RAB27A: variants seen among roughly 807,000 people sequenced by gnomAD.
RAB27A encodes the protein ras-related protein Rab-27A.
In RAB27A, 17 loss-of-function variants were observed where a neutral mutation model predicts 20.8. The observed-to-expected ratio is 0.82, with a 90% CI of 0.56 to 1.23. The LOEUF (loss-of-function observed/expected upper bound fraction) is 1.23. Among genes scored for constraint, RAB27A ranks in the 50% most tolerant of loss-of-function variants. RAB27A has a pLI of 0.00. For missense variants in RAB27A, 277 were observed against 266.7 expected (o/e 1.04, Z -0.27); for synonymous variants, 85 against 92.8 (o/e 0.92, Z 0.48).
chr15:55,233,826 C>A (rs547594560), intron 3 of RAB27A, among the ~76,000 whole-genome samples: 2 of 152,236 alleles, frequency 1.3e-5, no homozygotes, highest in East Asian at 3.9e-4. Flanking sequence ...CTCAACAAAT[C>A]TATTTTTTAA....
intron 2 of RAB27A, among the ~76,000 whole-genome samples, chr15:55,244,138 TAAAAATAC>T (rs547242305): frequency 5.9e-5 from 9 of 152,078 alleles, no homozygotes; most frequent in Admixed American, 1.3e-4. Flanking sequence ...CCATCTCTGC[TAAAAATAC>T]AAAAATACAA....
intron 2 of RAB27A, among the ~76,000 whole-genome samples, chr15:55,267,563 CAAAT>C (rs1897545470): frequency 6.6e-6 from 1 of 152,176 alleles, no homozygotes; most frequent in African/African-American, 2.4e-5. Flanking sequence ...ATAGACAGCG[CAAAT>C]AAATAATGGT....
chr15:55,245,072 C>T (rs1475187249), intron 2 of RAB27A, among the ~76,000 whole-genome samples: 1 of 152,088 alleles, frequency 6.6e-6, no homozygotes, highest in Non-Finnish European at 1.5e-5. Context: ...TTATAATGTA[C>T]CAAGATATAT....
At chr15:55,274,648 G>A (rs1897799068) in intron 1 of RAB27A, among the ~76,000 whole-genome samples, 1 of 151,034 alleles carries the variant, frequency 6.6e-6, no homozygotes, top group African/African-American at 2.4e-5. Flanking sequence ...CGTGGTGGCA[G>A]GTGCCTGTAA....
chr15:55,202,968 TGACA>T lies in RAB27A; in HGVS notation c.*2535_*2538del, dbSNP rs1364043766. ...ATACAGTTACGTTCACACACAAATTTGACAGACTAGACCACTTTTTTATTACAGC... is the reference window on the plus strand; with the variant it reads ...ATACAGTTACGTTCACACACAAATTTGACTAGACCACTTTTTTATTACAGC... On this transcript the variant is annotated 3_prime_UTR_variant, in exon 7 of 7. Coordinates refer to ENST00000336787, the MANE Select transcript of RAB27A (RefSeq NM_183235.3). The T allele has an allele frequency of 6.6e-6, 1 of 152,242 alleles. No homozygotes were observed. The highest frequency in any genetic ancestry group is 1.9e-4 in the East Asian group (1 of 5,202). The allele number at this position is 152,242 out of a possible 1,614,324, so 9.4% of individuals were successfully genotyped here.
At chr15:55,216,688 T>C (rs1470974156) in intron 6 of RAB27A, among the ~76,000 whole-genome samples, 1 of 152,190 alleles carries the variant, frequency 6.6e-6, no homozygotes. Flanking sequence ...ATTGGTTTAA[T>C]CCACAATGTA....
chr15:55,311,091 T>C (rs974229698), intron 2 of RAB27A, among the ~76,000 whole-genome samples: 9 of 152,174 alleles, frequency 5.9e-5, no homozygotes, highest in Non-Finnish European at 1.2e-4. Context: ...GTGGGGAATT[T>C]TTCTCTTTCC....
In RAB27A at chr15:55,296,485, T is replaced by C. The variant is rs573431707; in HGVS notation, c.-112+17554A>G. The stretch of plus-strand genomic sequence containing the variant: ...TGCCACTGCACTCCAGCTTGGGCAA[T>C]AGAGCAAGACTCCATCTCAAAAACA... On this transcript the variant is annotated intron_variant, in intron 2 of 5. Coordinates refer to the RAB27A transcript ENST00000563262. Among the ~76,000 whole-genome samples, 195 of 151,504 alleles carry C rather than the reference T, an allele frequency of 1.3e-3. 1 individual carries two copies. The highest frequency in any genetic ancestry group is 1.5e-3 in the Non-Finnish European group (102 of 67,864).
intron 2 of RAB27A, among the ~76,000 whole-genome samples, chr15:55,258,860 C>T (rs1897176612): frequency 6.6e-6 from 1 of 152,152 alleles, no homozygotes. Flanking sequence ...AGTCTCGCTC[C>T]GTTGCCCAGG....
intron 2 of RAB27A, among the ~76,000 whole-genome samples, chr15:55,299,220 T>C (rs891302073): frequency 1.3e-5 from 2 of 152,206 alleles, no homozygotes; most frequent in Non-Finnish European, 2.9e-5. Flanking sequence ...TTTGGGGAAC[T>C]AATAAATGTC....
intron 2 of RAB27A, among the ~76,000 whole-genome samples, chr15:55,301,480 T>C (rs2054971620): frequency 1.3e-5 from 2 of 151,520 alleles, no homozygotes; most frequent in Non-Finnish European, 3.0e-5. Context: ...AGTGTACAAT[T>C]CAGTGGTTTG....
chr15:55,291,816 G>C (rs1037229489), upstream of RAB27A, among the ~76,000 whole-genome samples: 2 of 152,110 alleles, frequency 1.3e-5, no homozygotes, highest in Non-Finnish European at 2.9e-5. Context: ...AGTAAACAAG[G>C]TAAACTGGTC....
chr15:55,318,756 CA>C (rs1031849843), intron 1 of RAB27A: 7 of 150,292 alleles, frequency 4.7e-5, no homozygotes, highest in South Asian at 2.1e-4. Context: ...GCAACAACAA[CA>C]AAAAAAATAG....
intron 2 of RAB27A, among the ~76,000 whole-genome samples, chr15:55,305,666 CATA>C (rs2054993607): frequency 6.6e-6 from 1 of 152,154 alleles, no homozygotes; most frequent in African/African-American, 2.4e-5. Flanking sequence ...GATTGATTAA[CATA>C]ATAACAGCAT....
At chr15:55,244,368 G>A (rs1009110204) in intron 2 of RAB27A, among the ~76,000 whole-genome samples, 4 of 151,954 alleles carry the variant, frequency 2.6e-5, no homozygotes, top group Admixed American at 2.6e-4. Flanking sequence ...AAGCTCAGTA[G>A]AGAAGAAAGA....
At position 55,205,819 on chromosome 15, in the gene RAB27A, C is replaced by T. The variant is rs1002169473; in HGVS notation, c.468-114G>A. ...GAATACAAATATACAAGATGACAAA[C>T]ATTTTACCACCCCAGAGTACATTAA... On this transcript the variant is annotated intron_variant, in intron 6 of 6. Coordinates refer to ENST00000336787, the MANE Select transcript of RAB27A (RefSeq NM_183235.3). 1.0e-5 allele frequency: 10 copies of T among 956,716 alleles called. No individual in the cohort carries two copies. In the African/African-American group the frequency reaches 1.3e-4, roughly 12 times the overall value. The allele number at this position is 956,716 out of a possible 1,614,324, so 59.3% of individuals were successfully genotyped here.
At chr15:55,215,033 T>A (rs1292164649) in intron 6 of RAB27A, among the ~76,000 whole-genome samples, 2 of 152,106 alleles carry the variant, frequency 1.3e-5, no homozygotes, top group Admixed American at 1.3e-4. Context: ...CAGAAATACA[T>A]TACATGAAAA....
chr15:55,281,280 G>A (rs532003240), intron 1 of RAB27A, among the ~76,000 whole-genome samples: 72 of 152,276 alleles, frequency 4.7e-4, no homozygotes, highest in African/African-American at 1.6e-3. Flanking sequence ...AGTATAAGTA[G>A]CCTTCTCCTT....
At chr15:55,313,079 T>C (rs1183426628) in intron 2 of RAB27A, among the ~76,000 whole-genome samples, 1 of 152,122 alleles carries the variant, frequency 6.6e-6, no homozygotes, top group Non-Finnish European at 1.5e-5. Context: ...CAGCAGACAT[T>C]TGGTATTTAA....
Sources: gnomAD v4.1 joint callset for allele counts (sites outside exome capture counted in the v4.1 genomes callset) on GRCh38, gnomAD v4.1.1 for gene constraint, MANE v1.5 for transcripts, NCBI Gene and HGNC (gene_info 2026-07-23, HGNC 2026-07-21) for gene names.